Variants in ZDHHC19 observed in about 807,000 individuals in gnomAD.
The protein encoded by ZDHHC19 is palmitoyltransferase ZDHHC19.
In ZDHHC19, 30 loss-of-function variants were observed where a neutral mutation model predicts 33.9. The observed-to-expected ratio is 0.88, with a 90% CI of 0.66 to 1.20. ZDHHC19 has a LOEUF of 1.20. Among genes scored for constraint, ZDHHC19 ranks in the 50% most tolerant of loss-of-function variants. The probability of loss-of-function intolerance (pLI) is 0.00; values close to 1 mark genes in which losing one functional copy is unlikely to be tolerated. For missense variants in ZDHHC19, 364 were observed against 401.1 expected (o/e 0.91, Z 0.79); for synonymous variants, 178 against 167.6 (o/e 1.06, Z -0.48).
At chr3:196,207,225 A>T (rs1722806672) in intron 5 of ZDHHC19, among the ~76,000 whole-genome samples, 173 bp downstream of exon 5, 1 of 152,328 alleles carries the variant, frequency 6.6e-6, no homozygotes, top group Non-Finnish European at 1.5e-5. Context: ...GACAGGGACC[A>T]CTGAGCTCCC....
chr3:196,200,306 G>A (rs1455018347), intron 5 of ZDHHC19, among the ~76,000 whole-genome samples: 1 of 142,956 alleles, frequency 7.0e-6, no homozygotes, highest in Non-Finnish European at 1.5e-5. Flanking sequence ...AAAATATATT[G>A]ACAGAATTTT....
Position 196,204,255 on chromosome 3 carries a change from G to A in ZDHHC19, c.687+3143C>T, listed in dbSNP as rs920120832. 1.7e-4 allele frequency among the ~76,000 whole-genome samples: 26 copies of A among 152,158 alleles called. 1 individual carries two copies. The highest frequency in any genetic ancestry group is 5.5e-4 in the African/African-American group (23 of 41,504). On this transcript the variant is annotated intron_variant, in intron 5 of 7. Transcript: ENST00000296326. ...ATTTCCTTATAATAATGAACAAATG[G>A]AAATTGAAATTTTAAAAAACATGCT...
At chr3:196,207,340 A>G in intron 5 of ZDHHC19, 58 bp downstream of exon 5, 1 of 1,465,856 alleles carries the variant, frequency 6.8e-7, no homozygotes, top group Non-Finnish European at 9.2e-7. Context: ...CAGTGGAGAA[A>G]GCGCGGGAAG....
intron 5 of ZDHHC19, chr3:196,202,300 A>G (rs1279906069): frequency 6.6e-6 from 1 of 152,082 alleles, no homozygotes; most frequent in Non-Finnish European, 1.5e-5. Context: ...CAGCCGGGAC[A>G]ACAGCGTGAG....
chr3:196,200,522 T>C (rs1722223348), intron 5 of ZDHHC19, among the ~76,000 whole-genome samples: 1 of 147,332 alleles, frequency 6.8e-6, no homozygotes, highest in South Asian at 2.1e-4. Context: ...GCCCAGCTAA[T>C]TTTTTGTATT....
At chr3:196,211,085 G>A in intron 1 of ZDHHC19, 85 bp downstream of exon 1, 5 of 1,599,576 alleles carry the variant, frequency 3.1e-6, no homozygotes, top group Non-Finnish European at 4.3e-6. Flanking sequence ...CCGGTCTTCT[G>A]CACTCCCCTG....
intron 5 of ZDHHC19, among the ~76,000 whole-genome samples, chr3:196,201,452 G>A (rs935301819): frequency 2.0e-5 from 3 of 150,136 alleles, no homozygotes; most frequent in Non-Finnish European, 4.4e-5. Context: ...GCCGGGCACC[G>A]TGGCTCACAC....
At chr3:196,210,147 C>T (rs1042121641) in intron 2 of ZDHHC19, among the ~76,000 whole-genome samples, 1 of 150,686 alleles carries the variant, frequency 6.6e-6, no homozygotes, top group Non-Finnish European at 1.5e-5. Context: ...GCGGAGATTG[C>T]GCCACTGCAC....
intron 2 of ZDHHC19, 144 bp from the exon 3 acceptor site, chr3:196,209,659 A>G: frequency 9.1e-7 from 1 of 1,101,036 alleles, no homozygotes; most frequent in Non-Finnish European, 1.3e-6. Context: ...AAGCTGTCCA[A>G]GCTCAGAGAG....
At chr3:196,210,517 G>A in intron 2 of ZDHHC19, 99 bp downstream of exon 2, 5 of 1,526,620 alleles carry the variant, frequency 3.3e-6, no homozygotes, top group South Asian at 1.2e-5. Flanking sequence ...GGGTCCAGAG[G>A]CTGGAGGAGG....
chr3:196,200,569 T>C (rs1041743132), intron 5 of ZDHHC19, among the ~76,000 whole-genome samples: 15 of 150,338 alleles, frequency 1.0e-4, no homozygotes, highest in Non-Finnish European at 1.5e-4. Flanking sequence ...TTAGCCAGGA[T>C]GGTCTCGATC....
intron 5 of ZDHHC19, among the ~76,000 whole-genome samples, chr3:196,202,911 G>A (rs1453690594): frequency 6.6e-6 from 1 of 152,172 alleles, no homozygotes; most frequent in Non-Finnish European, 1.5e-5. Flanking sequence ...GATGTTAAGG[G>A]AGGGTTTTGC....
At chr3:196,210,395 GAA>G (rs1723177275) in intron 2 of ZDHHC19, among the ~76,000 whole-genome samples, 1 of 145,454 alleles carries the variant, frequency 6.9e-6, no homozygotes, top group South Asian at 2.2e-4. Context: ...AGGAAGGAAA[GAA>G]AGAGGGAGAG....
At chr3:196,200,382 T>C (rs1485266958) in intron 5 of ZDHHC19, among the ~76,000 whole-genome samples, 1 of 141,258 alleles carries the variant, frequency 7.1e-6, no homozygotes, top group Non-Finnish European at 1.5e-5. Context: ...TGAGATGGAG[T>C]CTTGCTCTGT....
chr3:196,200,503 C>T lies in ZDHHC19; in HGVS notation c.688-1629G>A, dbSNP rs190588702. Among the ~76,000 whole-genome samples the T allele has an allele frequency of 3.4e-3, 516 of 149,832 alleles. 4 individuals carry two copies. Among genetic ancestry groups the T allele is most frequent in the Middle Eastern group, 0.01 (3 of 288 alleles). Reference sequence around the variant, plus strand: ...CCAAGTAGCTGGGATTACAGGTGCTCGCCACCACGCCCAGCTAATTTTTTG... The same window carrying T: ...CCAAGTAGCTGGGATTACAGGTGCTTGCCACCACGCCCAGCTAATTTTTTG... On this transcript the variant is annotated intron_variant, in intron 5 of 7. Coordinates refer to ENST00000296326, the MANE Select transcript of ZDHHC19 (RefSeq NM_001039617.2).
At chr3:196,198,179 T>C in intron 7 of ZDHHC19, 97 bp downstream of exon 7, 1 of 1,215,592 alleles carries the variant, frequency 8.2e-7, no homozygotes. Context: ...AGCTTCAGGG[T>C]CAGCCAAACC....
At position 196,205,013 on chromosome 3, in the gene ZDHHC19, G is replaced by A. The variant is rs1722626957; in HGVS notation, c.687+2385C>T. Among the ~76,000 whole-genome samples, 4 of 152,254 alleles carry A rather than the reference G, an allele frequency of 2.6e-5. No homozygotes were observed. The South Asian group carries it at 6.2e-4, about 24-fold the overall frequency. On this transcript the variant is annotated intron_variant, in intron 5 of 7. Coordinates refer to ENST00000296326, the MANE Select transcript of ZDHHC19 (RefSeq NM_001039617.2). ...CTTAGCTACCTGGGAGGCTGAGGTG[G>A]GAGGATCACTTGAATCTGGGAGGTG...
Position 196,198,268 on chromosome 3 carries a change from C to T in ZDHHC19, c.*19+8G>A. On this transcript the variant is annotated splice_region_variant and intron_variant, in intron 7 of 7. Coordinates refer to ENST00000296326, the MANE Select transcript of ZDHHC19 (RefSeq NM_001039617.2). The stretch of plus-strand genomic sequence containing the variant: ...GCACAGACACCCACGCACACACACG[C>T]TTCTTACCTCCTGGAGAGCTGCAGC... The T allele has an allele frequency of 2.0e-6, 3 of 1,496,268 alleles. No homozygotes were observed. Among genetic ancestry groups the T allele is most frequent in the Non-Finnish European group, 2.7e-6 (3 of 1,124,022 alleles). 92.7% of individuals were successfully genotyped at this position (1,496,268 alleles called of 1,614,324 possible). A position where few individuals can be genotyped will look rare whatever the true frequency, so the allele number is the denominator to read the frequency against.
chr3:196,210,453 G>GAA (rs58998178), intron 2 of ZDHHC19, among the ~76,000 whole-genome samples, 163 bp downstream of exon 2: 5 of 151,138 alleles, frequency 3.3e-5, no homozygotes, highest in Non-Finnish European at 7.4e-5. Context: ...AGAAAGAAAA[G>GAA]AGAAGAGAAG....
Sources: allele counts gnomAD v4.1 joint callset (sites outside exome capture counted in the v4.1 genomes callset), GRCh38; gene constraint gnomAD v4.1.1; transcripts MANE v1.5; gene names NCBI Gene and HGNC (gene_info 2026-07-23, HGNC 2026-07-21).